The following ROBO2 variants were observed in gnomAD, a reference collection of about 807,000 sequenced individuals.
ROBO2 encodes roundabout guidance receptor 2.
Under a neutral mutation model 160.8 loss-of-function variants are expected in ROBO2, and 53 were observed. That is an observed-to-expected ratio of 0.33 (90% CI 0.26 to 0.41). The LOEUF is 0.41. ROBO2 is among the 10% of genes least tolerant of loss of function. ROBO2 has a pLI of 1.00. For missense variants in ROBO2, 1,577 were observed against 1,722.4 expected (o/e 0.92, Z 1.49); for synonymous variants, 664 against 611.7 (o/e 1.09, Z -1.26).
At chr3:76,539,478 A>C (rs1305345666) in intron 2 of ROBO2, among the ~76,000 whole-genome samples, 1 of 152,196 alleles carries the variant, frequency 6.6e-6, no homozygotes, top group Middle Eastern at 3.4e-3. Flanking sequence ...ATCTTCACAT[A>C]TTTTTTCCCT....
chr3:77,541,334 A>G (rs1441155413), intron 6 of ROBO2, among the ~76,000 whole-genome samples: 1 of 151,958 alleles, frequency 6.6e-6, no homozygotes, highest in Non-Finnish European at 1.5e-5. Flanking sequence ...TGTGCTTCCT[A>G]CTCATGTTCA....
Position 77,276,213 on chromosome 3 carries a change from C to G in ROBO2, c.388+177873C>G, listed in dbSNP as rs374721434. 2.7e-3 allele frequency among the ~76,000 whole-genome samples: 283 copies of G among 105,064 alleles called. 4 individuals carry two copies. Among genetic ancestry groups the G allele is most frequent in the African/African-American group, 0.013 (267 of 21,046 alleles). 68.9% of individuals were successfully genotyped at this position (105,064 alleles called of 152,430 possible). A position where few individuals can be genotyped will look rare whatever the true frequency, so the allele number is the denominator to read the frequency against. On this transcript the variant is annotated intron_variant, in intron 2 of 25. Coordinates refer to ENST00000461745, the Ensembl canonical transcript of ROBO2. The stretch of plus-strand genomic sequence containing the variant: ...AGAGTTAATAAGTTGTAAAAACAAA[C>G]AAACAAAAAAAAAAAACAAAAGAAA...
At chr3:76,791,274 C>T (rs951585629) in intron 2 of ROBO2, among the ~76,000 whole-genome samples, 2 of 151,836 alleles carry the variant, frequency 1.3e-5, no homozygotes, top group Non-Finnish European at 2.9e-5. Flanking sequence ...CTTGATTTTA[C>T]ATGTGGTAGT....
chr3:77,091,356 T>C (rs763217972), intron 1 of ROBO2, among the ~76,000 whole-genome samples: 1 of 152,198 alleles, frequency 6.6e-6, no homozygotes, highest in Non-Finnish European at 1.5e-5. Flanking sequence ...TTAACCATAT[T>C]CATGAATTAT....
intron 2 of ROBO2, among the ~76,000 whole-genome samples, chr3:77,156,287 G>A (rs7429614): frequency 6.6e-6 from 1 of 151,706 alleles, no homozygotes; most frequent in African/African-American, 2.4e-5. Flanking sequence ...ATGTTGTCAG[G>A]TTTGATTTTA....
chr3:76,474,110 A>C (rs2078808957), intron 2 of ROBO2, among the ~76,000 whole-genome samples: 1 of 152,172 alleles, frequency 6.6e-6, no homozygotes, highest in African/African-American at 2.4e-5. Flanking sequence ...AAACAAAGAC[A>C]TAATTGAATT....
intron 2 of ROBO2, among the ~76,000 whole-genome samples, chr3:76,901,777 A>T (rs2075255842): frequency 6.6e-6 from 1 of 151,980 alleles, no homozygotes; most frequent in African/African-American, 2.4e-5. Flanking sequence ...TTCTTAAAAA[A>T]CATGTTCATA....
At chr3:77,178,428 T>C (rs2080367470) in intron 2 of ROBO2, among the ~76,000 whole-genome samples, 1 of 152,038 alleles carries the variant, frequency 6.6e-6, no homozygotes, top group South Asian at 2.1e-4. Flanking sequence ...GTGTGTTTGC[T>C]CTCAACTCAT....
chr3:76,760,914 T>C (rs188462750), intron 2 of ROBO2, among the ~76,000 whole-genome samples: 15 of 151,738 alleles, frequency 9.9e-5, no homozygotes, highest in African/African-American at 3.6e-4. Flanking sequence ...TTCTACAACC[T>C]TGTATCTTTT....
intron 5 of ROBO2, among the ~76,000 whole-genome samples, chr3:77,504,416 C>CAA (rs60117495): frequency 0.018 from 2,510 of 142,666 alleles, 73 homozygotes; most frequent in African/African-American, 0.056. Context: ...CAGTGCTTCT[C>CAA]AAAAAAAAAA....
At chr3:76,845,273 G>A (rs2068669975) in intron 2 of ROBO2, among the ~76,000 whole-genome samples, 1 of 152,094 alleles carries the variant, frequency 6.6e-6, no homozygotes, top group Non-Finnish European at 1.5e-5. Context: ...AACAGAGAAT[G>A]TTATCTGAGA....
In ROBO2 at chr3:77,522,819, T is replaced by C. The variant is rs775522857; in HGVS notation, c.851T>C (p.Met284Thr). Residue 284 changes from methionine to threonine, a missense_variant, in exon 6 of 26, where the codon ATG (methionine) becomes ACG (threonine). Physicochemically the swap from Met to Thr is moderately conservative, Grantham distance 81 (BLOSUM62 -1). This residue lies in a region of ROBO2 where 940 missense variants were observed against 1,135.5 expected (regional missense o/e 0.83). Coordinates refer to ENST00000461745, the Ensembl canonical transcript of ROBO2. ...TACACACTAAGAATTAAAAAGACCA[T>C]GAGTACAGATGAAGGCACCTATATG... 5 of 1,609,516 alleles carry C rather than the reference T, an allele frequency of 3.1e-6. No individual in the cohort carries two copies. The East Asian group carries it at 1.1e-4, about 36-fold the overall frequency.
chr3:77,527,409 C>A, intron 6 of ROBO2: 1 of 1,287,964 alleles, frequency 7.8e-7, no homozygotes, highest in East Asian at 5.6e-5. Flanking sequence ...ACAGCTCGCC[C>A]TGTTGGTAAG....
chr3:77,173,406 T>C (rs1194832570), intron 2 of ROBO2, among the ~76,000 whole-genome samples: 1 of 152,136 alleles, frequency 6.6e-6, no homozygotes, highest in Non-Finnish European at 1.5e-5. Context: ...AAGTATATTG[T>C]TTTAAAAGCA....
intron 1 of ROBO2, among the ~76,000 whole-genome samples, chr3:77,084,920 A>G (rs888639554): frequency 1.3e-5 from 2 of 151,992 alleles, no homozygotes; most frequent in Non-Finnish European, 2.9e-5. Flanking sequence ...TGAAAACTAC[A>G]CTCAGTATTT....
intron 2 of ROBO2, among the ~76,000 whole-genome samples, chr3:76,132,171 G>A (rs1262389666): frequency 6.6e-6 from 1 of 152,038 alleles, no homozygotes; most frequent in Non-Finnish European, 1.5e-5. Flanking sequence ...GAGGCACATG[G>A]GGCAAAACCC....
chr3:77,395,702 A>G (rs1433833431), intron 2 of ROBO2, among the ~76,000 whole-genome samples: 1 of 152,076 alleles, frequency 6.6e-6, no homozygotes, highest in Non-Finnish European at 1.5e-5. Context: ...TTCTTTTATG[A>G]GAGTTTAACT....
intron 2 of ROBO2, among the ~76,000 whole-genome samples, chr3:76,403,006 T>C (rs2077928949): frequency 1.3e-5 from 2 of 151,622 alleles, no homozygotes; most frequent in South Asian, 4.1e-4. Flanking sequence ...TTTTGGAGAC[T>C]CTGACAGAAA....
chr3:76,407,403 G>C (rs375310140), intron 2 of ROBO2, among the ~76,000 whole-genome samples: 1 of 152,000 alleles, frequency 6.6e-6, no homozygotes, highest in East Asian at 1.9e-4. Flanking sequence ...AACTGTCACT[G>C]TTATGTTTTT....
Sources: allele counts gnomAD v4.1 joint callset (sites outside exome capture counted in the v4.1 genomes callset), GRCh38; gene constraint gnomAD v4.1.1; regional missense constraint gnomAD v4.1.1; transcripts MANE v1.5; gene names NCBI Gene and HGNC (gene_info 2026-07-23, HGNC 2026-07-21).